Variants in PCDHA9 observed in about 807,000 individuals in gnomAD.
PCDHA9 encodes the protein protocadherin alpha-9.
Under a neutral mutation model 62.0 loss-of-function variants are expected in PCDHA9, and 62 were observed. The observed-to-expected ratio is 1.00, with a 90% CI of 0.81 to 1.23. PCDHA9 has a LOEUF of 1.23. Among genes scored for constraint, PCDHA9 ranks in the 50% most tolerant of loss-of-function variants. The probability of loss-of-function intolerance (pLI) is 0.00; values close to 1 mark genes in which losing one functional copy is unlikely to be tolerated. For missense variants in PCDHA9, 1,205 were observed against 1,249.8 expected (o/e 0.96, Z 0.54); for synonymous variants, 557 against 567.6 (o/e 0.98, Z 0.27).
chr5:140,927,254 C>T, intron 1 of PCDHA9: 2 of 1,614,132 alleles, frequency 1.2e-6, no homozygotes, highest in Non-Finnish European at 1.7e-6. Flanking sequence ...AATGACAACT[C>T]ACCTCTCTTT....
At chr5:140,944,188 T>A (rs184996) in intron 1 of PCDHA9, among the ~76,000 whole-genome samples, 85,693 of 151,800 alleles carry the variant, frequency 0.56, 24,784 homozygotes, top group African/African-American at 0.69. Context: ...GTTGGTTTGT[T>A]TTGTTTTGTT....
In PCDHA9 at chr5:141,010,329, G is replaced by C; in HGVS notation, c.*392G>C. On this transcript the variant is annotated 3_prime_UTR_variant, in exon 4 of 4. Coordinates refer to ENST00000532602, the MANE Select transcript of PCDHA9 (RefSeq NM_031857.2). ...AGTTTTGAGATTGAGCAGCTTGGGAGTTTGTGGCCACTGGGTATGTGTGGC... is the reference window on the plus strand; with the variant it reads ...AGTTTTGAGATTGAGCAGCTTGGGACTTTGTGGCCACTGGGTATGTGTGGC... 6.5e-7 allele frequency: 1 copy of C among 1,538,672 alleles called. No individual in the cohort carries two copies. Among genetic ancestry groups the C allele is most frequent in the Non-Finnish European group, 8.8e-7 (1 of 1,142,532 alleles).
rs1554168487 is a variant in PCDHA9 at position 140,876,335 on chromosome 5, G to A, written c.2394+25446G>A. ...GGGATCAAAATGATTTTGCCAGTGA[G>A]TGAGAAATGTATGTTTTCAATAAAT... On this transcript the variant is annotated intron_variant, in intron 1 of 3. Transcript: ENST00000532602. 3 of 1,614,034 alleles carry A rather than the reference G, an allele frequency of 1.9e-6. No individual in the cohort carries two copies. The highest frequency in any genetic ancestry group is 4.5e-5 in the East Asian group (2 of 44,894).
At chr5:140,860,225 A>C (rs2046280777) in intron 1 of PCDHA9, 1 of 151,528 alleles carries the variant, frequency 6.6e-6, no homozygotes, top group South Asian at 2.1e-4. Flanking sequence ...ATGTATATAT[A>C]AGCCAGGCAT....
At chr5:140,862,843 C>T (rs781903712) in intron 1 of PCDHA9, 3 of 572,390 alleles carry the variant, frequency 5.2e-6, no homozygotes, top group African/African-American at 2.0e-5. Flanking sequence ...GGGCATGCCG[C>T]CTCTGAGCAG....
intron 1 of PCDHA9, chr5:140,866,423 G>A (rs2049350651): frequency 6.6e-6 from 1 of 151,088 alleles, no homozygotes; most frequent in South Asian, 2.1e-4. Flanking sequence ...ATGTGTGTAG[G>A]TCTTTCAGTC....
intron 1 of PCDHA9, among the ~76,000 whole-genome samples, chr5:140,894,932 A>G (rs2064735231): frequency 6.6e-6 from 1 of 152,184 alleles, no homozygotes; most frequent in Non-Finnish European, 1.5e-5. Flanking sequence ...ATTTCTATTC[A>G]GCTATTGTCA....
chr5:140,902,203 C>CTTTTTTTT (rs148688132), intron 1 of PCDHA9, among the ~76,000 whole-genome samples: 9 of 124,444 alleles, frequency 7.2e-5, no homozygotes, highest in Non-Finnish European at 8.4e-5. Context: ...CTCTCTCTTT[C>CTTTTTTTT]TTTTTTTTTT....
Position 141,010,533 on chromosome 5 carries a change from C to T in PCDHA9, c.*596C>T, listed in dbSNP as rs1466502614. 4 of 390,018 alleles carry T rather than the reference C, an allele frequency of 1.0e-5. No homozygotes were observed. Among genetic ancestry groups the T allele is most frequent in the African/African-American group, 8.2e-5 (4 of 49,000 alleles). 24.2% of individuals were successfully genotyped at this position (390,018 alleles called of 1,614,324 possible). ...TACAACTCAAGAGGTGGCAGCCACCCTCTAGGAGACAAAACTACCCCCACT... is the reference window on the plus strand; with the variant it reads ...TACAACTCAAGAGGTGGCAGCCACCTTCTAGGAGACAAAACTACCCCCACT... On this transcript the variant is annotated 3_prime_UTR_variant, in exon 4 of 4. Transcript: ENST00000532602.
intron 1 of PCDHA9, among the ~76,000 whole-genome samples, chr5:140,964,843 T>C (rs1229980696): frequency 6.6e-6 from 1 of 152,162 alleles, no homozygotes; most frequent in African/African-American, 2.4e-5. Flanking sequence ...TCCTACTCTG[T>C]ACCCTTGAGG....
intron 1 of PCDHA9, among the ~76,000 whole-genome samples, chr5:140,975,601 G>A (rs943598203): frequency 1.2e-4 from 19 of 152,192 alleles, no homozygotes; most frequent in African/African-American, 4.6e-4. Flanking sequence ...GCAATTTGTT[G>A]ATGTCTTCCA....
chr5:140,915,283 C>T (rs1395177735), intron 1 of PCDHA9, among the ~76,000 whole-genome samples: 1 of 152,068 alleles, frequency 6.6e-6, no homozygotes, highest in African/African-American at 2.4e-5. Context: ...ATCATTTACT[C>T]TTTCTACTTA....
At chr5:140,858,173 C>G (rs782491809) in intron 1 of PCDHA9, 1 of 1,597,720 alleles carries the variant, frequency 6.3e-7, no homozygotes, top group Admixed American at 1.7e-5. Context: ...GTCCAGCTTG[C>G]TGGTGCTCAC....
chr5:140,871,344 G>A (rs533115257), intron 1 of PCDHA9: 1 of 1,614,200 alleles, frequency 6.2e-7, no homozygotes, highest in African/African-American at 1.3e-5. Flanking sequence ...TGGGGAGCTG[G>A]TCATACTCGC....
chr5:140,936,270 T>G (rs1367001317), intron 1 of PCDHA9, among the ~76,000 whole-genome samples: 2 of 152,226 alleles, frequency 1.3e-5, no homozygotes, highest in Non-Finnish European at 2.9e-5. Context: ...GAAGATATAT[T>G]CCTGTGTTTT....
At chr5:140,920,131 T>G (rs1207723509) in intron 1 of PCDHA9, among the ~76,000 whole-genome samples, 1 of 152,202 alleles carries the variant, frequency 6.6e-6, no homozygotes, top group Non-Finnish European at 1.5e-5. Context: ...TGAGTTTTAA[T>G]TCTCCTCTCC....
chr5:140,883,555 C>T, intron 1 of PCDHA9: 3 of 1,614,168 alleles, frequency 1.9e-6, no homozygotes, highest in Non-Finnish European at 2.5e-6. Context: ...CCGCGCGGGA[C>T]GGGGGCTCGC....
intron 1 of PCDHA9, chr5:140,882,629 G>A: frequency 6.2e-7 from 1 of 1,614,254 alleles, no homozygotes; most frequent in Admixed American, 1.7e-5. Context: ...CCATGTGGAG[G>A]TGAAGGTGAG....
rs139314570 is a variant in PCDHA9, at chr5:140,952,780, A to G, written c.2395-26169A>G. 2.0e-3 allele frequency among the ~76,000 whole-genome samples: 310 copies of G among 152,316 alleles called. 3 individuals are homozygous for G. The highest frequency in any genetic ancestry group is 7.3e-3 in the African/African-American group (302 of 41,572). On this transcript the variant is annotated intron_variant, in intron 1 of 3. Transcript: ENST00000532602. ...CTGAGACTGGATAATTTAGAAAGAA[A>G]AGAGGTTTAACTGGCTCGCAGTTCT... is the stretch of plus-strand genomic sequence containing the variant.
Sources: allele counts gnomAD v4.1 joint callset (sites outside exome capture counted in the v4.1 genomes callset), GRCh38; gene constraint gnomAD v4.1.1; transcripts MANE v1.5; gene names NCBI Gene and HGNC (gene_info 2026-07-23, HGNC 2026-07-21).